The following SAFB variants were observed in gnomAD, a reference collection of about 807,000 sequenced individuals.
SAFB encodes scaffold attachment factor B1.
In SAFB, 15 loss-of-function variants were observed where a neutral mutation model predicts 101.6. The observed-to-expected ratio is 0.15, with a 90% CI of 0.10 to 0.23. The LOEUF is 0.23. Ranked by LOEUF, SAFB falls within the 10% of genes least tolerant of loss-of-function variation. The probability of loss-of-function intolerance (pLI) is 1.00; values close to 1 mark genes in which losing one functional copy is unlikely to be tolerated. For missense variants in SAFB, 930 were observed against 1,104.1 expected (o/e 0.84, Z 2.23); for synonymous variants, 449 against 407.5 (o/e 1.10, Z -1.23).
chr19:5,646,394 C>G (rs890109616), intron 5 of SAFB, among the ~76,000 whole-genome samples: 2 of 152,128 alleles, frequency 1.3e-5, no homozygotes, highest in Non-Finnish European at 2.9e-5. Context: ...CAAATTGACA[C>G]GGCCATTCCC....
In SAFB at chr19:5,660,379, G is replaced by T. The variant is rs1449431001; in HGVS notation, c.1863-1139G>T. On this transcript the variant is annotated intron_variant, in intron 14 of 20. Coordinates refer to ENST00000588852, the MANE Select transcript of SAFB (RefSeq NM_001201338.2). ...TTTTTTTTTTTTTTTTGGAGACAGG[G>T]TCTCACTCTTTCACCCAGGCTGGAG... is the stretch of plus-strand genomic sequence containing the variant. 3.4e-5 allele frequency among the ~76,000 whole-genome samples: 4 copies of T among 118,142 alleles called. No homozygotes were observed. The Admixed American group carries it at 4.3e-4, about 13-fold the overall frequency. 77.5% of individuals were successfully genotyped at this position (118,142 alleles called of 152,430 possible). A position where few individuals can be genotyped will look rare whatever the true frequency, so the allele number is the denominator to read the frequency against.
chr19:5,632,940 C>G (rs2053521036), intron 2 of SAFB, among the ~76,000 whole-genome samples: 1 of 152,200 alleles, frequency 6.6e-6, no homozygotes, highest in African/African-American at 2.4e-5. Context: ...GAGGCACATG[C>G]TGTCAGTTTG....
intron 15 of SAFB, among the ~76,000 whole-genome samples, chr19:5,662,703 C>T (rs1481572269): frequency 1.0e-4 from 15 of 145,306 alleles, no homozygotes; most frequent in East Asian, 4.3e-4. Flanking sequence ...TGCAATGGCG[C>T]GATCGCTGCT....
At chr19:5,650,930 A>G (rs1486431863) in intron 8 of SAFB, 48 bp from the exon 9 acceptor site, 2 of 1,183,592 alleles carry the variant, frequency 1.7e-6, no homozygotes, top group East Asian at 2.4e-5. Context: ...CTAAGACTCA[A>G]GATCTTGTGG....
Position 5,667,515 on chromosome 19 carries a change from C to T in SAFB, c.2557+65C>T, listed in dbSNP as rs1599394969. On this transcript the variant is annotated intron_variant, in intron 19 of 20. Transcript: ENST00000588852. This position sits in a 1 kb window ranked among gnomAD's most constrained non-coding sequence, Gnocchi z 4.0. ...GAGTGATGGAAAGATGGAGGCCGCG[C>T]CTTCTCTCCTTGGGGGAGCACAGGA... 3.5e-6 allele frequency: 4 copies of T among 1,159,366 alleles called. No individual in the cohort carries two copies. Among genetic ancestry groups the T allele is most frequent in the South Asian group, 2.9e-5 (2 of 70,088 alleles). 71.8% of individuals were successfully genotyped at this position (1,159,366 alleles called of 1,614,324 possible). A position where few individuals can be genotyped will look rare whatever the true frequency, so the allele number is the denominator to read the frequency against.
At chr19:5,636,646 T>TC (rs750493669) in intron 2 of SAFB, among the ~76,000 whole-genome samples, 1 of 152,020 alleles carries the variant, frequency 6.6e-6, no homozygotes, top group Non-Finnish European at 1.5e-5. Context: ...TCTTTTTTTC[T>TC]CCCCCCAGGA....
rs752329683 is a variant in SAFB at position 5,657,204 on chromosome 19, C to G, written c.1756-37C>G. On this transcript the variant is annotated intron_variant, in intron 13 of 20. Coordinates refer to ENST00000588852, the MANE Select transcript of SAFB (RefSeq NM_001201338.2). ...ACAGGCATAAGCCTCCGTGCCTGGC[C>G]TCTGCTTTAACTTTTTAATGTTCTT... is the stretch of plus-strand genomic sequence containing the variant. 2.0e-6 allele frequency: 3 copies of G among 1,531,248 alleles called. No homozygotes were observed. In the African/African-American group the frequency reaches 4.1e-5, roughly 21 times the overall value. The allele number at this position is 1,531,248 out of a possible 1,614,324, so 94.9% of individuals were successfully genotyped here.
intron 4 of SAFB, among the ~76,000 whole-genome samples, chr19:5,643,708 G>C (rs546609800): frequency 6.6e-6 from 1 of 152,068 alleles, no homozygotes; most frequent in East Asian, 1.9e-4. Flanking sequence ...GGCCAGGTGC[G>C]GTGGCTTGGC....
intron 9 of SAFB, among the ~76,000 whole-genome samples, chr19:5,651,950 C>T (rs1191800408): frequency 2.0e-5 from 3 of 152,154 alleles, no homozygotes; most frequent in Non-Finnish European, 2.9e-5. Flanking sequence ...AATTCCAGCA[C>T]TTTGGGAGGC....
At position 5,667,193 on chromosome 19, in the gene SAFB, A is replaced by ACCC. The variant is rs148831822; in HGVS notation, c.2453+37_2453+39dup. On this transcript the variant is annotated intron_variant, in intron 18 of 20. Transcript: ENST00000588852. The surrounding 1 kb of genome is among the most constrained non-coding windows in gnomAD (Gnocchi z 4.0). ...TGTGTCCCACACCCGACAGTACCTG[A>ACCC]CCCCCCCCCCGCCCACAAGGGGGCC... 5 of 1,096,500 alleles carry ACCC rather than the reference A, an allele frequency of 4.6e-6. No individual in the cohort carries two copies. Among genetic ancestry groups the ACCC allele is most frequent in the African/African-American group, 1.7e-5 (1 of 58,324 alleles). The allele number at this position is 1,096,500 out of a possible 1,614,324, so 67.9% of individuals were successfully genotyped here.
At chr19:5,630,967 A>C (rs1450467352) in intron 2 of SAFB, among the ~76,000 whole-genome samples, 2 of 151,090 alleles carry the variant, frequency 1.3e-5, no homozygotes, top group Non-Finnish European at 3.0e-5. Flanking sequence ...TGAGGCGGGC[A>C]GATCACCTGA....
At position 5,664,576 on chromosome 19, in the gene SAFB, C is replaced by T; in HGVS notation, c.2334+137C>T. 6 of 707,356 alleles carry T rather than the reference C, an allele frequency of 8.5e-6. No homozygotes were observed. In the East Asian group the frequency reaches 1.6e-4, roughly 19 times the overall value. The allele number at this position is 707,356 out of a possible 1,614,324, so 43.8% of individuals were successfully genotyped here. ...GAGAAAAGTAAAGCACTAGAAAAGTCTAGGTTTGTGGAATGGAAATTTGGG... is the reference window on the plus strand; with the variant it reads ...GAGAAAAGTAAAGCACTAGAAAAGTTTAGGTTTGTGGAATGGAAATTTGGG... On this transcript the variant is annotated intron_variant, in intron 17 of 20. Transcript: ENST00000588852.
chr19:5,650,686 C>T (rs1274712151), intron 8 of SAFB, among the ~76,000 whole-genome samples: 2 of 152,166 alleles, frequency 1.3e-5, no homozygotes, highest in Non-Finnish European at 2.9e-5. Context: ...GCTGGGATTA[C>T]AGGCGTGAGC....
chr19:5,635,018 A>G (rs2053565522), intron 2 of SAFB, among the ~76,000 whole-genome samples: 1 of 152,086 alleles, frequency 6.6e-6, no homozygotes, highest in Non-Finnish European at 1.5e-5. Context: ...CGTGCCGGTA[A>G]TCCCAGCTAC....
intron 9 of SAFB, among the ~76,000 whole-genome samples, chr19:5,651,663 C>T (rs889384540): frequency 6.6e-6 from 1 of 152,144 alleles, no homozygotes; most frequent in African/African-American, 2.4e-5. Context: ...ACCTGCAGTG[C>T]CCAGCGCAGC....
chr19:5,649,736 C>A, intron 7 of SAFB, 190 bp from the exon 8 acceptor site: 1 of 803,454 alleles, frequency 1.2e-6, no homozygotes, highest in Non-Finnish European at 2.0e-6. Context: ...TTTAGCCCAG[C>A]AGAATTAATT....
chr19:5,657,209 C>CT, intron 13 of SAFB, 32 bp from the exon 14 acceptor site: 2 of 1,568,936 alleles, frequency 1.3e-6, no homozygotes, highest in African/African-American at 2.7e-5. Context: ...CTGGCCTCTG[C>CT]TTTAACTTTT....
intron 14 of SAFB, among the ~76,000 whole-genome samples, chr19:5,660,895 T>C (rs2054184383): frequency 6.8e-6 from 1 of 148,094 alleles, no homozygotes; most frequent in African/African-American, 2.5e-5. Flanking sequence ...GGAGTGAAGG[T>C]TCCAATTCAC....
At chr19:5,645,870 T>G (rs943482983) in intron 5 of SAFB, among the ~76,000 whole-genome samples, 2 of 152,108 alleles carry the variant, frequency 1.3e-5, no homozygotes, top group South Asian at 2.1e-4. Context: ...TGGGAAGTTT[T>G]TTTTGTTTTG....
Sources: gnomAD v4.1 joint callset for allele counts (sites outside exome capture counted in the v4.1 genomes callset) on GRCh38, gnomAD v4.1.1 for gene constraint, Gnocchi (gnomAD v3.1) non-coding constraint, MANE v1.5 for transcripts, NCBI Gene and HGNC (gene_info 2026-07-23, HGNC 2026-07-21) for gene names.